ATP8B4: variants seen among roughly 807,000 people sequenced by gnomAD.
The protein encoded by ATP8B4 is probable phospholipid-transporting ATPase IM.
ATP8B4 carries 133 observed loss-of-function variants against 145.6 expected under a neutral mutation model. The ratio of observed to expected loss-of-function variants is 0.91; its 90% CI spans 0.79 to 1.05. ATP8B4 has a LOEUF of 1.05. Ranked by LOEUF, ATP8B4 falls within the 50% of genes least tolerant of loss-of-function variation. The probability of loss-of-function intolerance (pLI) is 0.00; values close to 1 mark genes in which losing one functional copy is unlikely to be tolerated. For missense variants in ATP8B4, 1,458 were observed against 1,425.2 expected (o/e 1.02, Z -0.37); for synonymous variants, 507 against 492.9 (o/e 1.03, Z -0.38).
At chr15:50,017,549 T>C (rs1358858703) in intron 6 of ATP8B4, among the ~76,000 whole-genome samples, 1 of 152,236 alleles carries the variant, frequency 6.6e-6, no homozygotes, top group African/African-American at 2.4e-5. Context: ...CCTGGATATC[T>C]TAGTTCCAGG....
chr15:50,112,230 C>A (rs1264552731), intron 1 of ATP8B4, among the ~76,000 whole-genome samples: 1 of 152,152 alleles, frequency 6.6e-6, no homozygotes, highest in Admixed American at 6.6e-5. Context: ...GAGACAGGAA[C>A]AGTGCAGGCC....
At chr15:49,899,500 TAACTC>T (rs984813265) in intron 21 of ATP8B4, among the ~76,000 whole-genome samples, 2 of 152,166 alleles carry the variant, frequency 1.3e-5, no homozygotes, top group African/African-American at 4.8e-5. Context: ...TATAAAAACA[TAACTC>T]AGTACAGAAA....
intron 20 of ATP8B4, among the ~76,000 whole-genome samples, chr15:49,912,863 C>CT (rs2039370851): frequency 6.6e-6 from 1 of 152,128 alleles, no homozygotes; most frequent in Admixed American, 6.5e-5. Context: ...TCTCAAACTC[C>CT]TGGGCTCAAA....
chr15:50,006,058 C>T (rs1384556239), intron 7 of ATP8B4, among the ~76,000 whole-genome samples: 2 of 151,798 alleles, frequency 1.3e-5, no homozygotes, highest in Non-Finnish European at 2.9e-5. Context: ...GAATGAGATC[C>T]TAAAAATGAA....
At chr15:50,025,255 G>C (rs1189246802) in intron 6 of ATP8B4, among the ~76,000 whole-genome samples, 1 of 152,146 alleles carries the variant, frequency 6.6e-6, no homozygotes, top group African/African-American at 2.4e-5. Flanking sequence ...CCATGCAGCA[G>C]GTATGAGATT....
At chr15:49,933,715 G>GT (rs1194595885) in intron 15 of ATP8B4, among the ~76,000 whole-genome samples, 4 of 152,068 alleles carry the variant, frequency 2.6e-5, no homozygotes, top group Non-Finnish European at 5.9e-5. Flanking sequence ...GTGCTCAATT[G>GT]TAAGAACGAT....
intron 1 of ATP8B4, among the ~76,000 whole-genome samples, chr15:50,162,704 C>G (rs889774747): frequency 1.3e-4 from 20 of 151,852 alleles, no homozygotes; most frequent in Non-Finnish European, 2.7e-4. Context: ...GGCGGGGTTT[C>G]ACTGTGTTAG....
intron 1 of ATP8B4, among the ~76,000 whole-genome samples, chr15:50,131,064 G>GAGCCCCTTATAAAACCATCAGATCTC: frequency 6.6e-6 from 1 of 152,198 alleles, no homozygotes; most frequent in Admixed American, 6.5e-5. Context: ...GAAGGGGAAA[G>GAGCCCCTTATAAAACCATCAGATCTC]AGCCCCTTAT....
chr15:49,876,313 T>C lies in ATP8B4; in HGVS notation c.2992A>G (p.Met998Val), dbSNP rs758917320. ...IADYQSFAVT[M>V]ATSLVIVVSV... ...ACCACAATGACCAAAGATGTGGCCATGGTAACTGCAAAGGACTGGTAGTCA... is the reference window on the plus strand; with the variant it reads ...ACCACAATGACCAAAGATGTGGCCACGGTAACTGCAAAGGACTGGTAGTCA... Residue 998 changes from methionine (M) to valine (V), a missense_variant, in exon 25 of 28, where the codon ATG (methionine) becomes GTG (valine). Physicochemically the swap from Met to Val is conservative, Grantham distance 21. Transcript: ENST00000284509. 5 of 1,613,970 alleles carry C rather than the reference T, an allele frequency of 3.1e-6. No individual in the cohort carries two copies. In the African/African-American group the frequency reaches 5.3e-5, roughly 17 times the overall value.
At chr15:49,954,478 A>G (rs1203760393) in intron 14 of ATP8B4, among the ~76,000 whole-genome samples, 1 of 152,196 alleles carries the variant, frequency 6.6e-6, no homozygotes, top group East Asian at 1.9e-4. Context: ...AACTTAAATC[A>G]TCAAGCAAAA....
chr15:50,092,723 T>A (rs1025099944), intron 2 of ATP8B4, among the ~76,000 whole-genome samples: 2 of 151,928 alleles, frequency 1.3e-5, no homozygotes, highest in Non-Finnish European at 2.9e-5. Context: ...AGATAAGATA[T>A]ATGGTTAAAG....
At chr15:50,111,838 C>T (rs187833240) in intron 1 of ATP8B4, among the ~76,000 whole-genome samples, 1 of 152,100 alleles carries the variant, frequency 6.6e-6, no homozygotes, top group Non-Finnish European at 1.5e-5. Flanking sequence ...ATGAGGACAG[C>T]GAGTGTAACT....
chr15:50,075,023 G>A (rs570280474), intron 2 of ATP8B4, among the ~76,000 whole-genome samples: 39 of 152,278 alleles, frequency 2.6e-4, no homozygotes, highest in African/African-American at 9.4e-4. Flanking sequence ...TTCTCATGGC[G>A]AGTGACTTGA....
At chr15:50,022,969 A>T (rs1210839794) in intron 6 of ATP8B4, among the ~76,000 whole-genome samples, 2 of 152,090 alleles carry the variant, frequency 1.3e-5, no homozygotes, top group Non-Finnish European at 2.9e-5. Context: ...CTATATGATA[A>T]TTTTTTGCCT....
chr15:50,066,223 T>C (rs1232789289), intron 3 of ATP8B4, among the ~76,000 whole-genome samples: 2 of 151,936 alleles, frequency 1.3e-5, no homozygotes, highest in African/African-American at 4.8e-5. Context: ...AAGAAAAAAA[T>C]TAAAACCTTT....
In ATP8B4 at chr15:49,972,691, C is replaced by T. The variant is rs180735446; in HGVS notation, c.1134G>A (p.Thr378=). The T allele has an allele frequency of 1.2e-5, 20 of 1,613,838 alleles. No individual in the cohort carries two copies. The highest frequency in any genetic ancestry group is 1.7e-5 in the Admixed American group (1 of 59,966). Residue 378 remains threonine, a synonymous_variant, in exon 13 of 28, where the codon ACG becomes ACA. Coordinates refer to ENST00000284509, the MANE Select transcript of ATP8B4 (RefSeq NM_024837.4). The part of the protein sequence containing the change: ...KAIPAVARTT[T]LNEELGQIEY... ...CAATCTGCCCCAGTTCCTCATTGAG[C>T]GTGGTCGTTCGAGCCACTGCAGGTA...
At position 49,934,244 on chromosome 15, in the gene ATP8B4, A is replaced by G. The variant is rs1396098668; in HGVS notation, c.1288-62T>C. ...CTCATTCCAATAATTATCTTTTAAA[A>G]TTCAAAAATAGTTCCCCCAAGTATT... On this transcript the variant is annotated intron_variant, in intron 14 of 27. Transcript: ENST00000284509. The G allele has an allele frequency of 3.3e-6, 5 of 1,518,060 alleles. No individual in the cohort carries two copies. In the East Asian group the frequency reaches 9.2e-5, roughly 28 times the overall value. The allele number at this position is 1,518,060 out of a possible 1,614,324, so 94.0% of individuals were successfully genotyped here.
intron 9 of ATP8B4, among the ~76,000 whole-genome samples, chr15:49,993,499 T>A (rs1412701098): frequency 6.6e-6 from 1 of 152,108 alleles, no homozygotes; most frequent in Non-Finnish European, 1.5e-5. Flanking sequence ...GATTTAGGGC[T>A]TATTAACTGT....
At chr15:49,990,328 G>GA (rs755385854) in intron 9 of ATP8B4, among the ~76,000 whole-genome samples, 9 of 152,102 alleles carry the variant, frequency 5.9e-5, no homozygotes, top group Non-Finnish European at 7.4e-5. Flanking sequence ...AACAGTTAAG[G>GA]AAAAAATCGC....
Sources: allele counts gnomAD v4.1 joint callset (sites outside exome capture counted in the v4.1 genomes callset), GRCh38; gene constraint gnomAD v4.1.1; transcripts MANE v1.5; gene names NCBI Gene and HGNC (gene_info 2026-07-23, HGNC 2026-07-21).